Variants in ANGPT2 observed in about 807,000 individuals in gnomAD.
ANGPT2 encodes the protein angiopoietin-2.
A neutral mutation model predicts 62.9 loss-of-function variants in ANGPT2; 28 were observed. The observed-to-expected ratio is 0.44, with a 90% CI of 0.33 to 0.61. The LOEUF (loss-of-function observed/expected upper bound fraction) is 0.61, where lower values mean the gene tolerates loss of function less well. Among genes scored for constraint, ANGPT2 ranks in the 20% least tolerant of loss-of-function variants. The probability of loss-of-function intolerance (pLI) is 0.03; values close to 1 mark genes in which losing one functional copy is unlikely to be tolerated. For missense variants in ANGPT2, 727 were observed against 594.9 expected (o/e 1.22, Z -2.31); for synonymous variants, 284 against 207.8 (o/e 1.37, Z -3.15).
At chr8:6,505,343 T>TAC in intron 8 of ANGPT2, among the ~76,000 whole-genome samples, 1 of 45,614 alleles carries the variant, frequency 2.2e-5, no homozygotes, top group Non-Finnish European at 4.7e-5. Flanking sequence ...AGAAAGAATA[T>TAC]ATATATTCTT....
At chr8:6,536,704 T>C (rs1820565339) in intron 1 of ANGPT2, among the ~76,000 whole-genome samples, 1 of 152,208 alleles carries the variant, frequency 6.6e-6, no homozygotes, top group Non-Finnish European at 1.5e-5. Context: ...CCATTTAATG[T>C]AGCCTTTCCA....
Position 6,512,030 on chromosome 8 carries a change from G to A in ANGPT2, c.1196+1648C>T, listed in dbSNP as rs139365350. 3.8e-3 allele frequency among the ~76,000 whole-genome samples: 578 copies of A among 151,416 alleles called. 5 individuals carry two copies. Among genetic ancestry groups the A allele is most frequent in the Admixed American group, 5.1e-3 (77 of 15,198 alleles). On this transcript the variant is annotated intron_variant, in intron 7 of 8. Coordinates refer to ENST00000629816, the MANE Select transcript of ANGPT2 (RefSeq NM_001118887.2). Reference sequence around the variant, plus strand: ...ATTCATTGAAGTTTTGATCTCTTTGGAGTCAAGTTGGAACTGCTGTGAGGC... The same window carrying A: ...ATTCATTGAAGTTTTGATCTCTTTGAAGTCAAGTTGGAACTGCTGTGAGGC...
intron 1 of ANGPT2, among the ~76,000 whole-genome samples, chr8:6,547,818 G>A (rs1822878845): frequency 6.6e-6 from 1 of 152,112 alleles, no homozygotes; most frequent in African/African-American, 2.4e-5. Flanking sequence ...CCGGAAGAAG[G>A]GAGCCGTGGC....
intron 4 of ANGPT2, 130 bp downstream of exon 4, chr8:6,521,048 T>C (rs752856400): frequency 9.2e-6 from 6 of 649,890 alleles, no homozygotes; most frequent in African/African-American, 9.1e-5. Context: ...TTCATTTTAA[T>C]TGGTAGATAT....
rs888144344 is a variant in ANGPT2, at chr8:6,502,796, A to G, written c.*305T>C. On this transcript the variant is annotated 3_prime_UTR_variant, in exon 9 of 9. Coordinates refer to ENST00000629816, the MANE Select transcript of ANGPT2 (RefSeq NM_001118887.2). ...ATTTACTGATAAACTTGCACATAAC[A>G]TTCTTGGTTGTGACAGCAGCGTCTG... 64 of 374,306 alleles carry G rather than the reference A, an allele frequency of 1.7e-4. No homozygotes were observed. The highest frequency in any genetic ancestry group is 4.9e-5 in the Non-Finnish European group (10 of 204,172). The allele number at this position is 374,306 out of a possible 1,614,324, so 23.2% of individuals were successfully genotyped here.
chr8:6,530,292 G>A (rs1394272630), intron 2 of ANGPT2, among the ~76,000 whole-genome samples: 1 of 152,134 alleles, frequency 6.6e-6, no homozygotes, highest in East Asian at 1.9e-4. Flanking sequence ...TGGATCACCT[G>A]AGGTCAGGAG....
At chr8:6,556,679 T>G (rs1824669022) in intron 1 of ANGPT2, among the ~76,000 whole-genome samples, 1 of 152,092 alleles carries the variant, frequency 6.6e-6, no homozygotes, top group South Asian at 2.1e-4. Flanking sequence ...AATGGCACCA[T>G]CATAGTTCAC....
chr8:6,559,360 C>G (rs2922808), intron 1 of ANGPT2, among the ~76,000 whole-genome samples: 20,463 of 152,044 alleles, frequency 0.13, 3,836 homozygotes, highest in African/African-American at 0.42. Context: ...GTTTGAAGAG[C>G]ATAACTGCAT....
chr8:6,527,518 C>G, intron 3 of ANGPT2, 37 bp downstream of exon 3: 1 of 1,597,100 alleles, frequency 6.3e-7, no homozygotes, highest in Non-Finnish European at 8.5e-7. Flanking sequence ...GGAAAGTGTG[C>G]AGTCCTGAAT....
At chr8:6,532,855 T>G (rs1224720264) in intron 1 of ANGPT2, among the ~76,000 whole-genome samples, 2 of 152,206 alleles carry the variant, frequency 1.3e-5, no homozygotes, top group Non-Finnish European at 2.9e-5. Context: ...CAGCTGCAAC[T>G]CTGACCATGC....
intron 5 of ANGPT2, among the ~76,000 whole-genome samples, 197 bp from the exon 6 acceptor site, chr8:6,514,975 A>G (rs1815967241): frequency 1.3e-5 from 2 of 152,222 alleles, no homozygotes; most frequent in Non-Finnish European, 2.9e-5. Context: ...GATTAAAATG[A>G]TGGTGAAACA....
At chr8:6,511,185 A>C (rs973927604) in intron 7 of ANGPT2, among the ~76,000 whole-genome samples, 1 of 152,154 alleles carries the variant, frequency 6.6e-6, no homozygotes, top group African/African-American at 2.4e-5. Flanking sequence ...GGTTTTGTGT[A>C]ATTTTAGGTC....
chr8:6,552,857 C>T (rs749039922), intron 1 of ANGPT2, among the ~76,000 whole-genome samples: 2 of 151,524 alleles, frequency 1.3e-5, no homozygotes, highest in Non-Finnish European at 2.9e-5. Context: ...AGAAGCCAGT[C>T]CGAAAAGGCT....
At chr8:6,545,875 T>C (rs1018039736) in intron 1 of ANGPT2, among the ~76,000 whole-genome samples, 4 of 152,252 alleles carry the variant, frequency 2.6e-5, no homozygotes, top group African/African-American at 9.6e-5. Flanking sequence ...TGCTTTGAGC[T>C]ACTGCAATGC....
At chr8:6,504,089 T>C (rs1055252854) in intron 8 of ANGPT2, among the ~76,000 whole-genome samples, 2 of 151,804 alleles carry the variant, frequency 1.3e-5, no homozygotes, top group Admixed American at 6.6e-5. Context: ...GAGGCCGAGG[T>C]GGGTGGATCA....
At chr8:6,510,642 G>T (rs1402110787) in intron 7 of ANGPT2, among the ~76,000 whole-genome samples, 1 of 152,156 alleles carries the variant, frequency 6.6e-6, no homozygotes, top group Admixed American at 6.5e-5. Context: ...ACTTGTCCGA[G>T]GTCAGACTCT....
At chr8:6,548,496 A>G (rs1196566115) in intron 1 of ANGPT2, among the ~76,000 whole-genome samples, 4 of 152,120 alleles carry the variant, frequency 2.6e-5, no homozygotes, top group Non-Finnish European at 5.9e-5. Context: ...TGGGTTTTTC[A>G]TTGCAGCTTA....
At chr8:6,517,902 A>G (rs1196112072) in intron 5 of ANGPT2, among the ~76,000 whole-genome samples, 2 of 152,212 alleles carry the variant, frequency 1.3e-5, no homozygotes, top group Non-Finnish European at 2.9e-5. Flanking sequence ...TTATTTTTCA[A>G]GATGAGAAAA....
At chr8:6,540,654 C>G (rs376963908) in intron 1 of ANGPT2, among the ~76,000 whole-genome samples, 7 of 152,248 alleles carry the variant, frequency 4.6e-5, no homozygotes, top group African/African-American at 1.4e-4. Flanking sequence ...CTTACAATGA[C>G]AAAATGCTTC....
Sources: allele counts gnomAD v4.1 joint callset (sites outside exome capture counted in the v4.1 genomes callset), GRCh38; gene constraint gnomAD v4.1.1; transcripts MANE v1.5; gene names NCBI Gene and HGNC (gene_info 2026-07-23, HGNC 2026-07-21).